The following ZNF804B variants were observed in gnomAD, a reference collection of about 807,000 sequenced individuals.
ZNF804B encodes the protein zinc finger protein 804B, also known as zinc finger 804B.
Under a neutral mutation model 101.4 loss-of-function variants are expected in ZNF804B, and 80 were observed. That is an observed-to-expected ratio of 0.79 (90% CI 0.66 to 0.95). The LOEUF is 0.95. Ranked by LOEUF, ZNF804B falls within the 40% of genes least tolerant of loss-of-function variation. The probability of loss-of-function intolerance (pLI) is 0.00; values close to 1 mark genes in which losing one functional copy is unlikely to be tolerated. For synonymous variants in ZNF804B, 622 were observed against 558.8 expected, an observed-to-expected ratio of 1.11 and a Z score of -1.59; for missense variants, 1,673 against 1,561.9, an observed-to-expected ratio of 1.07 and a Z score of -1.20.
At chr7:89,117,963 C>G (rs940969523) in intron 1 of ZNF804B, among the ~76,000 whole-genome samples, 1 of 152,004 alleles carries the variant, frequency 6.6e-6, no homozygotes, top group Admixed American at 6.6e-5. Flanking sequence ...TGTTAGCAGA[C>G]TTTTGAAAGT....
chr7:88,774,171 G>A, intron 1 of ZNF804B, among the ~76,000 whole-genome samples: 1 of 149,256 alleles, frequency 6.7e-6, no homozygotes, highest in Non-Finnish European at 1.5e-5. Context: ...TTTATCTAGA[G>A]ACTTTTCAAT....
chr7:89,113,807 C>T (rs1365264061), intron 1 of ZNF804B, among the ~76,000 whole-genome samples: 2 of 151,694 alleles, frequency 1.3e-5, no homozygotes, highest in African/African-American at 4.8e-5. Context: ...AAAAATTAGC[C>T]GGACATGGTG....
chr7:89,319,888 C>A (rs557360187), intron 2 of ZNF804B, among the ~76,000 whole-genome samples: 3 of 152,254 alleles, frequency 2.0e-5, no homozygotes, highest in Admixed American at 2.0e-4. Flanking sequence ...GAAAAAGAAG[C>A]ATGTCTGTTT....
rs115941503 is a variant in ZNF804B, at chr7:89,067,640, C to T, written c.109-150515C>T. ...CTTCTGTTGTCTTGGAATTCATACTCATTACCTTATTAGCTGCATGTGTAT... is the reference window on the plus strand; with the variant it reads ...CTTCTGTTGTCTTGGAATTCATACTTATTACCTTATTAGCTGCATGTGTAT... On this transcript the variant is annotated intron_variant, in intron 1 of 3. Coordinates refer to ENST00000333190, the MANE Select transcript of ZNF804B (RefSeq NM_181646.5). Among the ~76,000 whole-genome samples, 744 of 152,166 alleles carry T rather than the reference C, an allele frequency of 4.9e-3. 7 individuals are homozygous for T. The highest frequency in any genetic ancestry group is 0.017 in the African/African-American group (698 of 41,542).
chr7:89,038,746 G>T (rs1042467260), intron 1 of ZNF804B, among the ~76,000 whole-genome samples: 1 of 151,998 alleles, frequency 6.6e-6, no homozygotes, highest in Non-Finnish European at 1.5e-5. Context: ...CCAATATCAA[G>T]AAGCATTTCC....
chr7:88,990,850 C>T (rs1793834691), intron 1 of ZNF804B, among the ~76,000 whole-genome samples: 1 of 152,018 alleles, frequency 6.6e-6, no homozygotes, highest in African/African-American at 2.4e-5. Flanking sequence ...AATTTTTGAG[C>T]CCTATTATAC....
In ZNF804B at chr7:89,019,782, TG is replaced by T. The variant is rs1481667073; in HGVS notation, c.109-198372del. Among the ~76,000 whole-genome samples, 3 of 152,104 alleles carry T rather than the reference TG, an allele frequency of 2.0e-5. No individual in the cohort carries two copies. The East Asian group carries it at 5.8e-4, about 29-fold the overall frequency. ...TAGTCTGTTTTAGTATAGCTACTTT[TG>T]CTCTTCTTTGGTTTCTATTTGTGTG... On this transcript the variant is annotated intron_variant, in intron 1 of 3. Coordinates refer to ENST00000333190, the MANE Select transcript of ZNF804B (RefSeq NM_181646.5).
At chr7:89,203,482 A>T (rs186894556) in intron 1 of ZNF804B, among the ~76,000 whole-genome samples, 128 of 152,038 alleles carry the variant, frequency 8.4e-4, no homozygotes, top group African/African-American at 2.9e-3. Flanking sequence ...CATTTTTTAA[A>T]TTTTTTTCTC....
At chr7:89,157,833 T>G (rs1432020585) in intron 1 of ZNF804B, among the ~76,000 whole-genome samples, 1 of 152,158 alleles carries the variant, frequency 6.6e-6, no homozygotes, top group African/African-American at 2.4e-5. Flanking sequence ...AAAGCAGTTT[T>G]GATTTGAAAA....
At chr7:89,094,134 T>C (rs1789936180) in intron 1 of ZNF804B, among the ~76,000 whole-genome samples, 1 of 152,224 alleles carries the variant, frequency 6.6e-6, no homozygotes, top group African/African-American at 2.4e-5. Flanking sequence ...CTAATATTTA[T>C]TGCAAGCTAT....
At chr7:89,228,717 C>G (rs1789136030) in intron 2 of ZNF804B, among the ~76,000 whole-genome samples, 1 of 152,238 alleles carries the variant, frequency 6.6e-6, no homozygotes, top group Admixed American at 6.5e-5. Context: ...CAGTGGATCC[C>G]ACACCGGGGT....
intron 1 of ZNF804B, among the ~76,000 whole-genome samples, chr7:88,775,270 A>C (rs1396285707): frequency 6.6e-6 from 1 of 152,176 alleles, no homozygotes; most frequent in Non-Finnish European, 1.5e-5. Context: ...AGGAGGAGCT[A>C]TTTTGGCATA....
At chr7:89,131,731 A>G (rs990120) in intron 1 of ZNF804B, among the ~76,000 whole-genome samples, 122,658 of 151,938 alleles carry the variant, frequency 0.81, 49,987 homozygotes, top group African/African-American at 0.92. Context: ...AAAAATAGAC[A>G]TAACTGAATA....
rs533474297 is a variant in ZNF804B at position 88,976,564 on chromosome 7, A to G, written c.108+216480A>G. 3.4e-4 allele frequency among the ~76,000 whole-genome samples: 51 copies of G among 151,726 alleles called. 1 individual carries two copies. Among genetic ancestry groups the G allele is most frequent in the South Asian group, 1.7e-3 (8 of 4,828 alleles). On this transcript the variant is annotated intron_variant, in intron 1 of 3. Transcript: ENST00000333190. ...TTCGTCGCTGGCATATGGAAATGCT[A>G]CTGGTTTTTGTATGTTGATTTTGTA...
chr7:89,007,827 A>G (rs1186395220), intron 1 of ZNF804B, among the ~76,000 whole-genome samples: 1 of 151,452 alleles, frequency 6.6e-6, no homozygotes, highest in African/African-American at 2.4e-5. Flanking sequence ...GACCAGCTCA[A>G]AGGAAACATT....
Position 89,336,512 on chromosome 7 carries a change from A to G in ZNF804B, c.3530A>G (p.His1177Arg), listed in dbSNP as rs758441039. ...ATGCAGAAGCAACTCCTATCAAAGCATCTTCGAGTTTTGCCTGCTGCAGGG... is the reference window on the plus strand; with the variant it reads ...ATGCAGAAGCAACTCCTATCAAAGCGTCTTCGAGTTTTGCCTGCTGCAGGG... ...QHMQKQLLSK[H>R]LRVLPAAGPT... The change falls in exon 4 of 4, where the codon CAT becomes CGT. Residue 1177 changes from histidine to arginine, a missense_variant. By Grantham distance (29) the His-to-Arg change is conservative. Transcript: ENST00000333190. 5.6e-6 allele frequency: 9 copies of G among 1,614,098 alleles called. No individual in the cohort carries two copies. Among genetic ancestry groups the G allele is most frequent in the South Asian group, 1.1e-5 (1 of 91,080 alleles).
intron 1 of ZNF804B, among the ~76,000 whole-genome samples, chr7:88,925,347 T>C (rs10216278): frequency 1.3e-5 from 2 of 152,036 alleles, no homozygotes; most frequent in African/African-American, 2.4e-5. Flanking sequence ...GTCAAAGACC[T>C]AACCCCAGTA....
intron 1 of ZNF804B, among the ~76,000 whole-genome samples, chr7:88,774,840 G>A (rs530128633): frequency 6.6e-6 from 1 of 152,304 alleles, no homozygotes; most frequent in African/African-American, 2.4e-5. Context: ...GGACTTAAAG[G>A]AAAGGGCACT....
At chr7:89,077,578 T>C (rs923591428) in intron 1 of ZNF804B, among the ~76,000 whole-genome samples, 2 of 152,156 alleles carry the variant, frequency 1.3e-5, no homozygotes, top group African/African-American at 4.8e-5. Context: ...CCTGGTGATA[T>C]AGCACTTTAT....
Sources: allele counts gnomAD v4.1 joint callset (sites outside exome capture counted in the v4.1 genomes callset), GRCh38; gene constraint gnomAD v4.1.1; transcripts MANE v1.5; gene names NCBI Gene and HGNC (gene_info 2026-07-23, HGNC 2026-07-21).